Variants in RNF212B observed in about 807,000 individuals in gnomAD.
The protein encoded by RNF212B is E3 ubiquitin-protein ligase RNF212B.
A neutral mutation model predicts 55.5 loss-of-function variants in RNF212B; 52 were observed. The ratio of observed to expected loss-of-function variants is 0.94; its 90% CI spans 0.75 to 1.18. The LOEUF is 1.18. Among genes scored for constraint, RNF212B ranks in the 50% most tolerant of loss-of-function variants. The pLI is 0.00. For synonymous variants in RNF212B, 99 were observed against 121.4 expected, an observed-to-expected ratio of 0.82 and a Z score of 1.21; for missense variants, 289 against 350.4, an observed-to-expected ratio of 0.82 and a Z score of 1.40.
intron 2 of RNF212B, among the ~76,000 whole-genome samples, chr14:23,229,362 CTGTT>C (rs1349043873): frequency 6.7e-6 from 1 of 150,190 alleles, no homozygotes; most frequent in Non-Finnish European, 1.5e-5. Context: ...GTACACATAT[CTGTT>C]TGAGCCCCTG....
chr14:23,208,201 A>G (rs928816965), intron 2 of RNF212B, among the ~76,000 whole-genome samples: 1 of 152,216 alleles, frequency 6.6e-6, no homozygotes, highest in Non-Finnish European at 1.5e-5. Flanking sequence ...CAAGGAAAGC[A>G]CGAGATGAGT....
intron 4 of RNF212B, among the ~76,000 whole-genome samples, chr14:23,244,954 G>A (rs1353579219): frequency 6.6e-6 from 1 of 152,154 alleles, no homozygotes; most frequent in Non-Finnish European, 1.5e-5. Context: ...TTGATCAGGA[G>A]CAACAGGAAT....
chr14:23,234,995 C>T (rs754871862), upstream of RNF212B, among the ~76,000 whole-genome samples: 5 of 152,016 alleles, frequency 3.3e-5, no homozygotes, highest in Non-Finnish European at 5.9e-5. Context: ...AGGTGGATCA[C>T]GAGGTCAAGA....
chr14:23,247,137 T>C (rs570141975), intron 4 of RNF212B, among the ~76,000 whole-genome samples: 109 of 114,950 alleles, frequency 9.5e-4, no homozygotes, highest in African/African-American at 3.3e-3. Context: ...CAAAACTCCA[T>C]CTCAAAAAAA....
At chr14:23,232,615 G>A (rs979916549) in intron 2 of RNF212B, among the ~76,000 whole-genome samples, 4 of 149,878 alleles carry the variant, frequency 2.7e-5, no homozygotes, top group Non-Finnish European at 4.4e-5. Context: ...GCCCCCGCCC[G>A]GCCAGCCTCC....
upstream of RNF212B, among the ~76,000 whole-genome samples, chr14:23,234,941 C>T (rs531591293): frequency 2.0e-5 from 3 of 151,898 alleles, no homozygotes; most frequent in East Asian, 1.9e-4. Context: ...GGGCTGGGTA[C>T]GGTGGCTCAT....
At chr14:23,193,751 CAA>C (rs71115601) in intron 2 of RNF212B, among the ~76,000 whole-genome samples, 3,219 of 147,244 alleles carry the variant, frequency 0.022, 97 homozygotes, top group African/African-American at 0.075. Context: ...GAAGATTTAA[CAA>C]AAAAAAAAAA....
Position 23,211,975 on chromosome 14 carries a change from T to C in RNF212B, c.-2+18574T>C, listed in dbSNP as rs377572896. Among the ~76,000 whole-genome samples, 5 of 152,088 alleles carry C rather than the reference T, an allele frequency of 3.3e-5. No individual in the cohort carries two copies. The East Asian group carries it at 9.6e-4, about 29-fold the overall frequency. ...AGTCCTGACCTCAAGTTATCTGCCC[T>C]CCTCAGCCTCCCAAAGTGCTGGGAT... On this transcript the variant is annotated intron_variant, in intron 2 of 15. Transcript: ENST00000399910.
At chr14:23,242,368 G>A (rs907025548) in intron 2 of RNF212B, among the ~76,000 whole-genome samples, 5 of 152,194 alleles carry the variant, frequency 3.3e-5, no homozygotes, top group African/African-American at 1.2e-4. Context: ...CACTTTACAG[G>A]GAAAGATTAG....
At chr14:23,249,776 T>C (rs1483650262) in intron 4 of RNF212B, among the ~76,000 whole-genome samples, 1 of 152,174 alleles carries the variant, frequency 6.6e-6, no homozygotes, top group African/African-American at 2.4e-5. Flanking sequence ...GTGGCTCTCA[T>C]CCAGAGTGGG....
chr14:23,211,861 T>C (rs527288276), intron 2 of RNF212B, among the ~76,000 whole-genome samples: 164 of 152,290 alleles, frequency 1.1e-3, no homozygotes, highest in Middle Eastern at 3.4e-3. Flanking sequence ...TAGCGAGGAC[T>C]ACAGGCACAT....
intron 2 of RNF212B, among the ~76,000 whole-genome samples, chr14:23,207,439 C>G (rs1879958369): frequency 6.6e-6 from 1 of 152,160 alleles, no homozygotes; most frequent in Non-Finnish European, 1.5e-5. Context: ...ACTTGCCTTC[C>G]TGTTGGAAGC....
chr14:23,213,661 C>T (rs1286284265), intron 2 of RNF212B, among the ~76,000 whole-genome samples: 2 of 151,772 alleles, frequency 1.3e-5, no homozygotes, highest in Admixed American at 6.6e-5. Context: ...GGGAGCTGAA[C>T]ATTTACCACT....
Position 23,243,240 on chromosome 14 carries a change from T to C in RNF212B, c.101-16T>C. The C allele has an allele frequency of 3.2e-6, 5 of 1,548,244 alleles. No individual in the cohort carries two copies. The highest frequency in any genetic ancestry group is 4.4e-6 in the Non-Finnish European group (5 of 1,145,668). On this transcript the variant is annotated splice_polypyrimidine_tract_variant and intron_variant, in intron 2 of 14. Coordinates refer to ENST00000430154, the MANE Select transcript of RNF212B (RefSeq NM_001282322.3). ...TGCTCATGAGAGCCAAATATTTTTT[T>C]CCCTTTTCCTCCCAGAAAAATGTGC...
Position 23,240,324 on chromosome 14 carries a change from C to T in RNF212B, c.-1-21C>T, listed in dbSNP as rs191727188. 1.3e-3 allele frequency: 1,903 copies of T among 1,479,110 alleles called. 5 individuals are homozygous for T. The highest frequency in any genetic ancestry group is 1.5e-3 in the Non-Finnish European group (1,618 of 1,082,692). 91.6% of individuals were successfully genotyped at this position (1,479,110 alleles called of 1,614,324 possible). A position where few individuals can be genotyped will look rare whatever the true frequency, so the allele number is the denominator to read the frequency against. ...TGTTATTCTCTAGGTTATTCTTACT[C>T]TTTCTCTTTATCTGCTCCAGAATGG... On this transcript the variant is annotated intron_variant, in intron 1 of 14. Coordinates refer to ENST00000430154, the MANE Select transcript of RNF212B (RefSeq NM_001282322.3).
At chr14:23,253,379 T>G (rs1212053169) in intron 4 of RNF212B, among the ~76,000 whole-genome samples, 1 of 152,210 alleles carries the variant, frequency 6.6e-6, no homozygotes, top group Non-Finnish European at 1.5e-5. Flanking sequence ...TTTAAGTTAT[T>G]ATTGAAGAAA....
intron 2 of RNF212B, among the ~76,000 whole-genome samples, chr14:23,240,665 G>A (rs1883503609): frequency 6.6e-6 from 1 of 152,146 alleles, no homozygotes; most frequent in Non-Finnish European, 1.5e-5. Flanking sequence ...TATTACTTGA[G>A]GACTAGAATG....
At chr14:23,214,808 G>A (rs1880911487) in intron 2 of RNF212B, among the ~76,000 whole-genome samples, 2 of 152,038 alleles carry the variant, frequency 1.3e-5, no homozygotes, top group South Asian at 4.1e-4. Flanking sequence ...AAACATATTA[G>A]AAGAAATAAT....
At chr14:23,256,566 T>G (rs1362474485) in intron 4 of RNF212B, among the ~76,000 whole-genome samples, 1 of 152,088 alleles carries the variant, frequency 6.6e-6, no homozygotes, top group Non-Finnish European at 1.5e-5. Context: ...GAGACGGGGT[T>G]TTGCCATATT....
Sources: gnomAD v4.1 joint callset for allele counts (sites outside exome capture counted in the v4.1 genomes callset) on GRCh38, gnomAD v4.1.1 for gene constraint, MANE v1.5 for transcripts, NCBI Gene and HGNC (gene_info 2026-07-23, HGNC 2026-07-21) for gene names.